Variants in MRPL28 observed in about 807,000 individuals in gnomAD.
MRPL28 encodes the protein mitochondrial ribosomal protein L28.
In MRPL28, 25 loss-of-function variants were observed where a neutral mutation model predicts 26.2. That is an observed-to-expected ratio of 0.95 (90% CI 0.69 to 1.33). The LOEUF is 1.33. MRPL28 is among the 40% of genes most tolerant of loss of function. MRPL28 has a pLI of 0.00. For synonymous variants in MRPL28, 227 were observed against 140.1 expected, an observed-to-expected ratio of 1.62 and a Z score of -4.38; for missense variants, 432 against 327.2, an observed-to-expected ratio of 1.32 and a Z score of -2.47.
rs754425743 is a variant in MRPL28 at position 368,330 on chromosome 16, TCTC to T, written c.658_660del (p.Glu220del). On this transcript the variant is annotated inframe_deletion, in exon 5 of 6. Coordinates refer to ENST00000199706, the MANE Select transcript of MRPL28 (RefSeq NM_006428.5). The stretch of plus-strand genomic sequence containing the variant: ...TCGGCTGGTGCTCACACACTCACCT[TCTC>T]CTCCAAAAGTCTCTGCTTCTCAATG... The T allele has an allele frequency of 1.1e-4, 174 of 1,613,186 alleles. No individual in the cohort carries two copies. The highest frequency in any genetic ancestry group is 1.4e-4 in the Non-Finnish European group (162 of 1,179,918).
chr16:368,232 C>T (rs2054278540), intron 5 of MRPL28, 96 bp downstream of exon 5: 1 of 1,414,620 alleles, frequency 7.1e-7, no homozygotes, highest in Non-Finnish European at 9.9e-7. Flanking sequence ...CCCAGTGCAC[C>T]AGCCCCTTGT....
rs553342997 is a variant in MRPL28 at position 367,851 on chromosome 16, G to C, written c.664-69C>G. The C allele has an allele frequency of 1.2e-5, 16 of 1,366,554 alleles. No homozygotes were observed. In the African/African-American group the frequency reaches 2.3e-4, roughly 20 times the overall value. 84.7% of individuals were successfully genotyped at this position (1,366,554 alleles called of 1,614,324 possible). ...GCAGCTGGAGTTCCGACGGGGATGGGATCAGCAGCTGCCGCCCAGAGGAAC... is the reference window on the plus strand; with the variant it reads ...GCAGCTGGAGTTCCGACGGGGATGGCATCAGCAGCTGCCGCCCAGAGGAAC... On this transcript the variant is annotated intron_variant, in intron 5 of 5. Coordinates refer to ENST00000199706, the MANE Select transcript of MRPL28 (RefSeq NM_006428.5).
Position 367,277 on chromosome 16 carries a change from C to T in MRPL28, c.*398G>A. The T allele has an allele frequency of 3.4e-6, 2 of 579,998 alleles. No homozygotes were observed. Among genetic ancestry groups the T allele is most frequent in the South Asian group, 4.7e-5 (2 of 42,948 alleles). The allele number at this position is 579,998 out of a possible 1,614,324, so 35.9% of individuals were successfully genotyped here. On this transcript the variant is annotated 3_prime_UTR_variant, in exon 6 of 6. Transcript: ENST00000199706. Reference sequence around the variant, plus strand: ...TCTCTGCAGCTCACCGGGGGACGGGCACAGCCAGAGTCAATGCCCACGGCT... The same window carrying T: ...TCTCTGCAGCTCACCGGGGGACGGGTACAGCCAGAGTCAATGCCCACGGCT...
At chr16:368,191 A>T in intron 5 of MRPL28, 137 bp downstream of exon 5, 1 of 1,003,290 alleles carries the variant, frequency 1.0e-6, no homozygotes, top group Non-Finnish European at 1.5e-6. Context: ...CTGGGTGGGC[A>T]ATGCAGAGCA....
Position 367,613 on chromosome 16 carries a change from C to CA in MRPL28, c.*61dup. On this transcript the variant is annotated 3_prime_UTR_variant, in exon 6 of 6. Coordinates refer to ENST00000199706, the MANE Select transcript of MRPL28 (RefSeq NM_006428.5). Reference sequence around the variant, plus strand: ...CACAGCTCCCCGGGATCTGTGTCCTCAGTGCAAAGGGCCTGGCAGGGAAAG... The same window carrying CA: ...CACAGCTCCCCGGGATCTGTGTCCTCAAGTGCAAAGGGCCTGGCAGGGAAAG... The CA allele has an allele frequency of 6.9e-7, 1 of 1,453,384 alleles. No homozygotes were observed. Among genetic ancestry groups the CA allele is most frequent in the African/African-American group, 1.4e-5 (1 of 71,446 alleles). 90.0% of individuals were successfully genotyped at this position (1,453,384 alleles called of 1,614,324 possible). A position where few individuals can be genotyped will look rare whatever the true frequency, so the allele number is the denominator to read the frequency against.
rs371832574 is a variant in MRPL28 at position 368,489 on chromosome 16, G to A, written c.576+12C>T. 1.3e-5 allele frequency: 21 copies of A among 1,608,022 alleles called. No individual in the cohort carries two copies. The highest frequency in any genetic ancestry group is 1.5e-5 in the Non-Finnish European group (18 of 1,176,386). On this transcript the variant is annotated intron_variant, in intron 4 of 5. Coordinates refer to ENST00000199706, the MANE Select transcript of MRPL28 (RefSeq NM_006428.5). ...AGTCCCCAGGTGTAGGGAGCGGGAC[G>A]GAAACCCTCACCTTGTACTTGTCGT... is the stretch of plus-strand genomic sequence containing the variant.
rs971416399 is a variant in MRPL28 at position 367,127 on chromosome 16, C to A, written c.*548G>T. Among the ~76,000 whole-genome samples the A allele has an allele frequency of 6.6e-6, 1 of 152,192 alleles. No homozygotes were observed. The highest frequency in any genetic ancestry group is 2.4e-5 in the African/African-American group (1 of 41,436). ...GGCTGAGACAGGACAATCACTTGAA[C>A]TCTGGAGGTGGAGGTTGTAGTGAGT... On this transcript the variant is annotated 3_prime_UTR_variant, in exon 6 of 6. Coordinates refer to ENST00000199706, the MANE Select transcript of MRPL28 (RefSeq NM_006428.5).
intron 5 of MRPL28, 105 bp downstream of exon 5, chr16:368,223 C>T: frequency 7.4e-7 from 1 of 1,346,050 alleles, no homozygotes; most frequent in Non-Finnish European, 1.1e-6. Flanking sequence ...CCAAGCCCAC[C>T]CAGTGCACCA....
chr16:368,194 G>A, intron 5 of MRPL28, 134 bp downstream of exon 5: 1 of 1,052,980 alleles, frequency 9.5e-7, no homozygotes, highest in East Asian at 2.4e-5. Context: ...GGTGGGCAAT[G>A]CAGAGCAGCA....
intron 5 of MRPL28, among the ~76,000 whole-genome samples, 166 bp downstream of exon 5, chr16:368,162 G>A (rs570922009): frequency 3.5e-4 from 53 of 152,322 alleles, no homozygotes; most frequent in African/African-American, 1.1e-3. Context: ...TTGGAGGGGA[G>A]GGAGCGGGCC....
intron 2 of MRPL28, 184 bp downstream of exon 2, chr16:369,747 T>G: frequency 1.2e-6 from 1 of 841,944 alleles, no homozygotes; most frequent in Non-Finnish European, 1.9e-6. Context: ...CACCCCTACT[T>G]TATCAGTCCT....
At position 369,201 on chromosome 16, in the gene MRPL28, T is replaced by C; in HGVS notation, c.308A>G (p.Lys103Arg). The C allele has an allele frequency of 1.2e-6, 2 of 1,613,982 alleles. No individual in the cohort carries two copies. The highest frequency in any genetic ancestry group is 1.7e-6 in the Non-Finnish European group (2 of 1,179,934). ...NNDKLSKRLK[K>R]VWKPQLFERE... ...CTCAAACAGCTGTGGCTTCCACACT[T>C]TCTTCAGCCTCTTGGAGAGCTGAGG... is the stretch of plus-strand genomic sequence containing the variant. Residue 103 changes from lysine to arginine, a missense_variant, in exon 3 of 6, where the codon AAA becomes AGA. Physicochemically the swap from Lys to Arg is conservative, Grantham distance 26. Coordinates refer to ENST00000199706, the MANE Select transcript of MRPL28 (RefSeq NM_006428.5).
At chr16:367,934 C>T (rs1029502804) in intron 5 of MRPL28, 152 bp from the exon 6 acceptor site, 43 of 663,180 alleles carry the variant, frequency 6.5e-5, no homozygotes, top group Admixed American at 2.5e-4. Context: ...GAACCCCCTC[C>T]CTTGGGGATG....
At position 367,117 on chromosome 16, in the gene MRPL28, A is replaced by AT. The variant is rs2054266447; in HGVS notation, c.*557dup. 1.3e-5 allele frequency among the ~76,000 whole-genome samples: 2 copies of AT among 152,254 alleles called. No individual in the cohort carries two copies. The highest frequency in any genetic ancestry group is 4.8e-5 in the African/African-American group (2 of 41,542). On this transcript the variant is annotated 3_prime_UTR_variant, in exon 6 of 6. Transcript: ENST00000199706. Reference sequence around the variant, plus strand: ...CTACTCAGGAGGCTGAGACAGGACAATCACTTGAACTCTGGAGGTGGAGGT... The same window carrying AT: ...CTACTCAGGAGGCTGAGACAGGACAATTCACTTGAACTCTGGAGGTGGAGGT...
At position 367,600 on chromosome 16, in the gene MRPL28, G is replaced by A; in HGVS notation, c.*75C>T. 5.1e-6 allele frequency: 7 copies of A among 1,364,196 alleles called. No individual in the cohort carries two copies. The highest frequency in any genetic ancestry group is 7.3e-6 in the Non-Finnish European group (7 of 963,570). The allele number at this position is 1,364,196 out of a possible 1,614,324, so 84.5% of individuals were successfully genotyped here. ...CACCGGTGGCCCTCACAGCTCCCCG[G>A]GATCTGTGTCCTCAGTGCAAAGGGC... On this transcript the variant is annotated 3_prime_UTR_variant, in exon 6 of 6. Coordinates refer to ENST00000199706, the MANE Select transcript of MRPL28 (RefSeq NM_006428.5).
At chr16:368,279 GAAC>G (rs764419636) in intron 5 of MRPL28, 46 bp downstream of exon 5, 83 of 1,598,278 alleles carry the variant, frequency 5.2e-5, no homozygotes, top group Non-Finnish European at 7.0e-5. Flanking sequence ...CCCAGACCCT[GAAC>G]ACCAGGCTCT....
rs761583625 is a variant in MRPL28 at position 369,985 on chromosome 16, C to A, written c.234G>T (p.Gly78=). ...PIYFPPESQR[G]LWGGEGWILG... is the part of the protein sequence containing the mutation. ...GGATCCAGCCCTCGCCGCCCCACAA[C>A]CCCCGCTGGGATTCGGGGGGAAAGT... Residue 78 remains glycine (G), a synonymous_variant, in exon 2 of 6, where the codon GGG becomes GGT. Coordinates refer to ENST00000199706, the MANE Select transcript of MRPL28 (RefSeq NM_006428.5). The A allele has an allele frequency of 5.6e-6, 9 of 1,612,834 alleles. No homozygotes were observed. In the African/African-American group the frequency reaches 6.7e-5, roughly 12 times the overall value.
At chr16:370,293 C>G in intron 1 of MRPL28, 68 bp from the exon 2 acceptor site, 1 of 1,425,248 alleles carries the variant, frequency 7.0e-7, no homozygotes, top group Non-Finnish European at 9.2e-7. Context: ...CCCCCTACCC[C>G]GGCCCCCGAC....
chr16:369,282 C>CA, intron 2 of MRPL28, 62 bp from the exon 3 acceptor site: 2 of 1,403,076 alleles, frequency 1.4e-6, no homozygotes, highest in Non-Finnish European at 1.9e-6. Flanking sequence ...AAGGGGGGCC[C>CA]AGGCAACTGC....
Sources: gnomAD v4.1 joint callset for allele counts (sites outside exome capture counted in the v4.1 genomes callset) on GRCh38, gnomAD v4.1.1 for gene constraint, MANE v1.5 for transcripts, NCBI Gene and HGNC (gene_info 2026-07-23, HGNC 2026-07-21) for gene names.